Variants in AUTS2 observed in about 807,000 individuals in gnomAD.
AUTS2 encodes autism susceptibility gene 2 protein.
A neutral mutation model predicts 112.4 loss-of-function variants in AUTS2; 17 were observed. The ratio of observed to expected loss-of-function variants is 0.15; its 90% CI spans 0.10 to 0.23. AUTS2 has a LOEUF of 0.23. AUTS2 is among the 10% of genes least tolerant of loss of function. The pLI, the probability that AUTS2 is intolerant of heterozygous loss-of-function variation, is 1.00. For synonymous variants in AUTS2, 751 were observed against 702.7 expected, an observed-to-expected ratio of 1.07 and a Z score of -1.09; for missense variants, 1,510 against 1,701.6, an observed-to-expected ratio of 0.89 and a Z score of 1.98.
At chr7:70,050,214 A>G (rs971552804) in intron 2 of AUTS2, among the ~76,000 whole-genome samples, 1 of 151,782 alleles carries the variant, frequency 6.6e-6, no homozygotes, top group Non-Finnish European at 1.5e-5. Flanking sequence ...AAAATTAGCC[A>G]GGAGTGGTGG....
intron 6 of AUTS2, among the ~76,000 whole-genome samples, chr7:70,717,917 C>T (rs1473012885): frequency 6.6e-6 from 1 of 152,228 alleles, no homozygotes. Flanking sequence ...GCGCCACCTG[C>T]CAACCACAGT....
chr7:70,707,197 GA>G (rs1325148126), intron 6 of AUTS2, among the ~76,000 whole-genome samples: 1 of 152,164 alleles, frequency 6.6e-6, no homozygotes, highest in Non-Finnish European at 1.5e-5. Flanking sequence ...TCTTAATTTA[GA>G]AAAGAATTTA....
At chr7:70,383,188 G>A (rs1793451034) in intron 4 of AUTS2, among the ~76,000 whole-genome samples, 1 of 151,834 alleles carries the variant, frequency 6.6e-6, no homozygotes, top group Non-Finnish European at 1.5e-5. Flanking sequence ...CCTCCCAGTA[G>A]AAGATGAGAG....
At chr7:70,609,593 G>GT (rs1563074187) in intron 5 of AUTS2, among the ~76,000 whole-genome samples, 7 of 141,038 alleles carry the variant, frequency 5.0e-5, no homozygotes, top group African/African-American at 1.9e-4. Flanking sequence ...TTTTTTTTTT[G>GT]TTGTTTTGTT....
At chr7:69,800,378 A>G (rs1790030516) in intron 1 of AUTS2, among the ~76,000 whole-genome samples, 1 of 152,212 alleles carries the variant, frequency 6.6e-6, no homozygotes, top group Non-Finnish European at 1.5e-5. Context: ...GCTGGTAGAA[A>G]TGGGTAATAC....
intron 4 of AUTS2, among the ~76,000 whole-genome samples, chr7:70,338,223 T>C (rs1791084011): frequency 6.6e-6 from 1 of 152,180 alleles, no homozygotes; most frequent in African/African-American, 2.4e-5. Context: ...GTAATTTCAA[T>C]GTTTTGATTA....
At chr7:70,781,590 C>G in intron 14 of AUTS2, 25 bp from the exon 15 acceptor site, 2 of 1,613,020 alleles carry the variant, frequency 1.2e-6, no homozygotes, top group Non-Finnish European at 1.7e-6. Flanking sequence ...GCCTTGGGAC[C>G]CTTACTGTTC....
chr7:69,797,066 C>A (rs1174376037), intron 1 of AUTS2, among the ~76,000 whole-genome samples: 1 of 152,078 alleles, frequency 6.6e-6, no homozygotes, highest in Non-Finnish European at 1.5e-5. Flanking sequence ...TATTTTACTC[C>A]TTTTTTTCCA....
At chr7:69,607,384 T>C (rs915799645) in intron 1 of AUTS2, among the ~76,000 whole-genome samples, 1 of 152,212 alleles carries the variant, frequency 6.6e-6, no homozygotes, top group African/African-American at 2.4e-5. Flanking sequence ...GAGGTAGAGC[T>C]ATCAAAATTA....
intron 4 of AUTS2, among the ~76,000 whole-genome samples, chr7:70,231,139 A>G (rs1243770956): frequency 6.6e-6 from 1 of 152,018 alleles, no homozygotes; most frequent in Non-Finnish European, 1.5e-5. Flanking sequence ...GTTCTGTTTC[A>G]TTGTTTATTT....
At chr7:70,193,755 C>T (rs2129583939) in intron 4 of AUTS2, among the ~76,000 whole-genome samples, 1 of 152,302 alleles carries the variant, frequency 6.6e-6, no homozygotes, top group East Asian at 1.9e-4. Flanking sequence ...AGACCTGCGC[C>T]AGCTCCTGAC....
At chr7:70,745,435 C>A (rs1788392236) in intron 6 of AUTS2, among the ~76,000 whole-genome samples, 1 of 152,170 alleles carries the variant, frequency 6.6e-6, no homozygotes, top group South Asian at 2.1e-4. Context: ...GGATTTAAAG[C>A]CAGTGTTCTG....
rs571697743 is a variant in AUTS2, at chr7:70,511,791, G to A, written c.690+76010G>A. Reference sequence around the variant, plus strand: ...AGGTTTCACCACGTTGGCCAGGCTGGTCTTGAACTCCTGACCTCAAGTGAT... The same window carrying A: ...AGGTTTCACCACGTTGGCCAGGCTGATCTTGAACTCCTGACCTCAAGTGAT... On this transcript the variant is annotated intron_variant, in intron 5 of 18. Transcript: ENST00000342771. 4.6e-5 allele frequency among the ~76,000 whole-genome samples: 7 copies of A among 151,804 alleles called. No individual in the cohort carries two copies. The South Asian group carries it at 1.3e-3, about 27-fold the overall frequency.
intron 1 of AUTS2, among the ~76,000 whole-genome samples, chr7:69,732,109 C>T (rs1786822947): frequency 6.6e-6 from 1 of 151,986 alleles, no homozygotes. Context: ...TTTAGTGTCA[C>T]AATACCTTTG....
chr7:69,899,263 T>C, intron 1 of AUTS2, 23 bp from the exon 2 acceptor site: 2 of 1,590,040 alleles, frequency 1.3e-6, no homozygotes, highest in Non-Finnish European at 1.7e-6. Flanking sequence ...ACCACTTCCC[T>C]TTCCTTCTCT....
At chr7:70,241,741 G>A (rs531409643) in intron 4 of AUTS2, among the ~76,000 whole-genome samples, 2 of 152,262 alleles carry the variant, frequency 1.3e-5, no homozygotes, top group South Asian at 4.1e-4. Context: ...ATAAGGTCAG[G>A]CCTTTGTAAT....
chr7:69,888,390 T>C (rs1794367425), intron 1 of AUTS2, among the ~76,000 whole-genome samples: 1 of 151,188 alleles, frequency 6.6e-6, no homozygotes, highest in Admixed American at 6.6e-5. Context: ...CCAGTCTCTT[T>C]TTAACAACCA....
intron 4 of AUTS2, among the ~76,000 whole-genome samples, chr7:70,313,253 T>A (rs1789842222): frequency 6.6e-6 from 1 of 152,216 alleles, no homozygotes; most frequent in African/African-American, 2.4e-5. Context: ...ATAACACTTG[T>A]CCCACACAGA....
At chr7:70,238,665 T>G (rs1363464598) in intron 4 of AUTS2, among the ~76,000 whole-genome samples, 2 of 120,238 alleles carry the variant, frequency 1.7e-5, no homozygotes, top group African/African-American at 3.7e-5. Context: ...ATTATTAGTG[T>G]TTTTTTTTTA....
Sources: allele counts gnomAD v4.1 joint callset (sites outside exome capture counted in the v4.1 genomes callset), GRCh38; gene constraint gnomAD v4.1.1; transcripts MANE v1.5; gene names NCBI Gene and HGNC (gene_info 2026-07-23, HGNC 2026-07-21).